Variants in PIGN observed in about 807,000 individuals in gnomAD.
PIGN encodes GPI ethanolamine phosphate transferase 1.
PIGN carries 117 observed loss-of-function variants against 125.4 expected under a neutral mutation model. That is an observed-to-expected ratio of 0.93 (90% confidence interval 0.80 to 1.09). PIGN has a LOEUF of 1.09. Ranked by LOEUF, PIGN falls within the 50% of genes least tolerant of loss-of-function variation. PIGN has a pLI of 0.00. For missense variants in PIGN, 1,075 were observed against 1,094.9 expected (o/e 0.98, Z 0.26); for synonymous variants, 392 against 377.8 (o/e 1.04, Z -0.44).
At chr18:62,062,028 G>A (rs1245245247) in intron 30 of PIGN, among the ~76,000 whole-genome samples, 1 of 152,102 alleles carries the variant, frequency 6.6e-6, no homozygotes, top group Admixed American at 6.6e-5. Flanking sequence ...GTTCACAGAG[G>A]CACTATATGA....
At chr18:62,070,837 TCTGTGGCCCAGG>T (rs1232566907) in intron 30 of PIGN, among the ~76,000 whole-genome samples, 5 of 152,152 alleles carry the variant, frequency 3.3e-5, no homozygotes, top group Non-Finnish European at 5.9e-5. Flanking sequence ...GGGATATCAC[TCTGTGGCCCAGG>T]CTGGAGTGCA....
chr18:62,162,113 A>T (rs1372751212), intron 3 of PIGN, 140 bp downstream of exon 3: 2 of 152,222 alleles, frequency 1.3e-5, no homozygotes, highest in Non-Finnish European at 2.9e-5. Context: ...CACACATCAC[A>T]TGCATAACTG....
At chr18:62,065,166 G>GCCTT (rs1005707546) in intron 30 of PIGN, among the ~76,000 whole-genome samples, 1 of 151,972 alleles carries the variant, frequency 6.6e-6, no homozygotes, top group South Asian at 2.1e-4. Context: ...TCCTTTGCAT[G>GCCTT]CCTTCCTTCC....
At chr18:62,078,280 G>T (rs1311743795) in intron 28 of PIGN, among the ~76,000 whole-genome samples, 1 of 152,140 alleles carries the variant, frequency 6.6e-6, no homozygotes, top group Non-Finnish European at 1.5e-5. Flanking sequence ...CAGAGAATAC[G>T]ATCCCTGAAC....
chr18:62,181,663 C>G (rs987089330), intron 1 of PIGN, among the ~76,000 whole-genome samples: 52 of 152,112 alleles, frequency 3.4e-4, no homozygotes, highest in Admixed American at 3.4e-3. Context: ...CTACTCACCT[C>G]GGCCTCCTAA....
downstream of PIGN, among the ~76,000 whole-genome samples, chr18:62,039,629 C>CA (rs530907112): frequency 5.5e-4 from 65 of 119,240 alleles, no homozygotes; most frequent in African/African-American, 1.8e-3. Flanking sequence ...CAGAGTGCCG[C>CA]ACCCCATGAT....
In PIGN at chr18:62,182,797, G is replaced by A. The variant is rs544131068; in HGVS notation, c.-236+4047C>T. Among the ~76,000 whole-genome samples the A allele has an allele frequency of 1.4e-4, 21 of 152,132 alleles. 1 individual carries two copies. The South Asian group carries it at 4.4e-3, about 32-fold the overall frequency. Reference sequence around the variant, plus strand: ...CAAAAGACACGTTTGCAACAACACGGATGTTCCTGAAGCCTGGTATGCTAA... The same window carrying A: ...CAAAAGACACGTTTGCAACAACACGAATGTTCCTGAAGCCTGGTATGCTAA... On this transcript the variant is annotated intron_variant, in intron 1 of 30. Transcript: ENST00000640252.
chr18:62,026,777 A>C (rs2144876075), intron 23 of PIGN, among the ~76,000 whole-genome samples: 1 of 152,350 alleles, frequency 6.6e-6, no homozygotes, highest in South Asian at 2.1e-4. Context: ...ACATATCAGA[A>C]GTTCCCAGGG....
At chr18:62,115,033 C>T (rs921313074) in intron 14 of PIGN, among the ~76,000 whole-genome samples, 1 of 152,174 alleles carries the variant, frequency 6.6e-6, no homozygotes, top group Non-Finnish European at 1.5e-5. Context: ...AGGACAGATC[C>T]ATCAATGTTC....
intron 23 of PIGN, among the ~76,000 whole-genome samples, chr18:62,022,451 TA>T (rs1254719802): frequency 1.1e-4 from 16 of 152,138 alleles, no homozygotes; most frequent in African/African-American, 2.9e-4. Flanking sequence ...AACTGGACAA[TA>T]AGGTTAAGCC....
At chr18:62,065,133 T>A (rs951081512) in intron 30 of PIGN, among the ~76,000 whole-genome samples, 3 of 152,216 alleles carry the variant, frequency 2.0e-5, no homozygotes, top group African/African-American at 7.2e-5. Context: ...TCTCCCTCCC[T>A]TTGTCCTCCT....
At chr18:62,125,036 T>C (rs2035453634) in intron 14 of PIGN, among the ~76,000 whole-genome samples, 1 of 146,034 alleles carries the variant, frequency 6.8e-6, no homozygotes. Flanking sequence ...TCCCTTTATA[T>C]ATAAATATAC....
chr18:62,099,083 G>C (rs972348497), intron 22 of PIGN, among the ~76,000 whole-genome samples: 1 of 151,920 alleles, frequency 6.6e-6, no homozygotes, highest in Non-Finnish European at 1.5e-5. Flanking sequence ...TTGAGAACAA[G>C]CCTACGAGTC....
chr18:62,043,830 C>T lies in PIGN; in HGVS notation c.*2026G>A, dbSNP rs1028721273. ...TTCTTATAACAATTCCTAATTTAAA[C>T]ATTGTTAATCAGCAAATGTCCTAAG... On this transcript the variant is annotated 3_prime_UTR_variant, in exon 31 of 31. Transcript: ENST00000640252. 2.0e-5 allele frequency: 3 copies of T among 152,120 alleles called. No individual in the cohort carries two copies. The highest frequency in any genetic ancestry group is 7.2e-5 in the African/African-American group (3 of 41,422). 9.4% of individuals were successfully genotyped at this position (152,120 alleles called of 1,614,324 possible). A position where few individuals can be genotyped will look rare whatever the true frequency, so the allele number is the denominator to read the frequency against.
At chr18:62,163,828 A>G (rs2037038468) in intron 1 of PIGN, among the ~76,000 whole-genome samples, 172 bp from the exon 2 acceptor site, 1 of 151,858 alleles carries the variant, frequency 6.6e-6, no homozygotes, top group South Asian at 2.1e-4. Flanking sequence ...GCATTAAACA[A>G]CTCTCCATTC....
At chr18:62,165,866 T>A (rs1190735667) in intron 1 of PIGN, among the ~76,000 whole-genome samples, 1 of 152,184 alleles carries the variant, frequency 6.6e-6, no homozygotes, top group Non-Finnish European at 1.5e-5. Context: ...AACAGTCGTG[T>A]GAGCTGAGTC....
chr18:62,087,549 A>G (rs886065864), intron 25 of PIGN, among the ~76,000 whole-genome samples: 1 of 152,234 alleles, frequency 6.6e-6, no homozygotes, highest in Non-Finnish European at 1.5e-5. Flanking sequence ...TGAAATTATA[A>G]TTTAGGGAAA....
intron 30 of PIGN, among the ~76,000 whole-genome samples, chr18:62,047,066 G>A (rs55927038): frequency 0.17 from 25,773 of 152,156 alleles, 2,943 homozygotes; most frequent in Middle Eastern, 0.28. Flanking sequence ...CGCAGCTAAG[G>A]GACAGACAAG....
At chr18:62,047,944 GAAAC>G (rs1202685729) in intron 30 of PIGN, among the ~76,000 whole-genome samples, 1 of 152,018 alleles carries the variant, frequency 6.6e-6, no homozygotes, top group East Asian at 1.9e-4. Flanking sequence ...GTACATACTA[GAAAC>G]AAACACACAA....
Sources: allele counts gnomAD v4.1 joint callset (sites outside exome capture counted in the v4.1 genomes callset), GRCh38; gene constraint gnomAD v4.1.1; transcripts MANE v1.5; gene names NCBI Gene and HGNC (gene_info 2026-07-23, HGNC 2026-07-21).